PTPRN2: variants seen among roughly 807,000 people sequenced by gnomAD.
PTPRN2 encodes receptor-type tyrosine-protein phosphatase N2.
A neutral mutation model predicts 118.8 loss-of-function variants in PTPRN2; 74 were observed. That is an observed-to-expected ratio of 0.62 (90% CI 0.52 to 0.76). The LOEUF (loss-of-function observed/expected upper bound fraction) is 0.76, where lower values mean the gene tolerates loss of function less well. Among genes scored for constraint, PTPRN2 ranks in the 30% least tolerant of loss-of-function variants. The pLI is 0.00. For missense variants in PTPRN2, 1,481 were observed against 1,394.4 expected (o/e 1.06, Z -0.99); for synonymous variants, 641 against 608.0 (o/e 1.05, Z -0.80).
rs1161547592 is a variant in PTPRN2 at position 158,236,792 on chromosome 7, G to GC, written c.278-31520_278-31519insG. On this transcript the variant is annotated intron_variant, in intron 3 of 22. Transcript: ENST00000389418. ...CCTGTCCCTGCCCGACCACTCTGCT[G>GC]TGGGGAAAAGCAAGAGAGATCAGAT... 1.3e-3 allele frequency among the ~76,000 whole-genome samples: 16 copies of GC among 12,116 alleles called. 1 individual carries two copies. The highest frequency in any genetic ancestry group is 5.1e-3 in the East Asian group (2 of 390). The allele number at this position is 12,116 out of a possible 152,430, so 7.9% of individuals were successfully genotyped here.
chr7:158,359,459 C>T (rs1318799911), intron 2 of PTPRN2, among the ~76,000 whole-genome samples: 3 of 152,174 alleles, frequency 2.0e-5, no homozygotes, highest in African/African-American at 7.2e-5. Flanking sequence ...CGGGGGGACC[C>T]AGCTGGAGCC....
At chr7:158,071,305 AGGTGCCCATG>A (rs1811500662) in intron 11 of PTPRN2, among the ~76,000 whole-genome samples, 5 of 82,924 alleles carry the variant, frequency 6.0e-5, no homozygotes, top group Admixed American at 1.3e-4. Context: ...CTCGTGGTGG[AGGTGCCCATG>A]GTAGTGGAGG....
intron 9 of PTPRN2, among the ~76,000 whole-genome samples, chr7:158,130,737 A>C (rs1818138219): frequency 6.8e-6 from 1 of 146,190 alleles, no homozygotes; most frequent in African/African-American, 2.6e-5. Flanking sequence ...CATACGCACA[A>C]ACCAATACAC....
chr7:158,012,307 G>A (rs780266287), intron 11 of PTPRN2, among the ~76,000 whole-genome samples: 8 of 151,972 alleles, frequency 5.3e-5, no homozygotes, highest in African/African-American at 9.7e-5. Flanking sequence ...ATGACACGAC[G>A]CTGGCTTTAC....
At chr7:158,232,413 C>A (rs1829218408) in intron 3 of PTPRN2, among the ~76,000 whole-genome samples, 1 of 151,946 alleles carries the variant, frequency 6.6e-6, no homozygotes, top group Non-Finnish European at 1.5e-5. Flanking sequence ...TAGAAAACTT[C>A]AACAAACCAA....
intron 2 of PTPRN2, among the ~76,000 whole-genome samples, chr7:158,336,598 C>A (rs1267654625): frequency 4.0e-5 from 6 of 148,152 alleles, no homozygotes; most frequent in Non-Finnish European, 7.5e-5. Flanking sequence ...GTCATTCACA[C>A]CCACACTCTC....
At chr7:158,403,844 G>A (rs1216966238) in intron 2 of PTPRN2, among the ~76,000 whole-genome samples, 5 of 152,012 alleles carry the variant, frequency 3.3e-5, no homozygotes, top group Non-Finnish European at 7.3e-5. Flanking sequence ...CATGATGGCT[G>A]GAAAGGGGGA....
intron 2 of PTPRN2, among the ~76,000 whole-genome samples, chr7:158,411,663 G>A (rs553190631): frequency 9.2e-5 from 14 of 152,232 alleles, no homozygotes; most frequent in Non-Finnish European, 2.1e-4. Flanking sequence ...GGAAACCTGG[G>A]TACCAAGCAG....
chr7:157,754,299 CG>C (rs1778664718), intron 12 of PTPRN2, among the ~76,000 whole-genome samples: 1 of 152,226 alleles, frequency 6.6e-6, no homozygotes, highest in Admixed American at 6.5e-5. Flanking sequence ...CACTGAGCCA[CG>C]TTACCTGGTG....
intron 12 of PTPRN2, among the ~76,000 whole-genome samples, chr7:157,877,905 AG>A (rs1030788831): frequency 3.3e-5 from 5 of 152,218 alleles, no homozygotes; most frequent in African/African-American, 1.2e-4. Context: ...GAAATATGTC[AG>A]GGGTGAGATT....
chr7:157,608,068 C>A (rs949988523), intron 15 of PTPRN2, among the ~76,000 whole-genome samples: 4 of 152,112 alleles, frequency 2.6e-5, no homozygotes, highest in Non-Finnish European at 5.9e-5. Context: ...AAATTACCAG[C>A]GAAGTCTTTT....
intron 11 of PTPRN2, among the ~76,000 whole-genome samples, chr7:158,066,439 C>T (rs1021755018): frequency 1.3e-5 from 2 of 152,224 alleles, no homozygotes; most frequent in African/African-American, 2.4e-5. Flanking sequence ...AGAATGTGCT[C>T]TAAGCTGTGC....
chr7:158,404,811 C>T (rs1352162744), intron 2 of PTPRN2, among the ~76,000 whole-genome samples: 1 of 137,054 alleles, frequency 7.3e-6, no homozygotes, highest in African/African-American at 2.8e-5. Context: ...TGGCCCCCAG[C>T]TCCCCGGCCC....
intron 2 of PTPRN2, among the ~76,000 whole-genome samples, chr7:158,417,009 C>T (rs908437646): frequency 2.7e-5 from 4 of 150,618 alleles, no homozygotes; most frequent in African/African-American, 9.7e-5. Context: ...CACACTACAT[C>T]GAGATGCTCT....
intron 2 of PTPRN2, among the ~76,000 whole-genome samples, chr7:158,326,256 A>G (rs1005390234): frequency 2.0e-5 from 3 of 152,200 alleles, no homozygotes; most frequent in African/African-American, 4.8e-5. Flanking sequence ...CCAGGTGGCC[A>G]GTGAGCACCA....
intron 2 of PTPRN2, among the ~76,000 whole-genome samples, chr7:158,354,123 C>T (rs934334917): frequency 5.3e-5 from 8 of 152,182 alleles, no homozygotes; most frequent in African/African-American, 1.7e-4. Flanking sequence ...CATCAGTGAC[C>T]AGAGCTGAGT....
chr7:157,725,015 T>C (rs1481028532), intron 12 of PTPRN2, among the ~76,000 whole-genome samples: 2 of 152,350 alleles, frequency 1.3e-5, no homozygotes, highest in Middle Eastern at 6.8e-3. Flanking sequence ...TGATCTGAAA[T>C]AAAATTCTCG....
At chr7:157,957,977 C>CA (rs1485584411) in intron 11 of PTPRN2, among the ~76,000 whole-genome samples, 8 of 152,098 alleles carry the variant, frequency 5.3e-5, no homozygotes, top group Non-Finnish European at 1.0e-4. Context: ...AATACTGATG[C>CA]AAAAAATCTT....
At chr7:158,514,148 A>G (rs192344229) in intron 1 of PTPRN2, among the ~76,000 whole-genome samples, 10 of 152,278 alleles carry the variant, frequency 6.6e-5, no homozygotes, top group Admixed American at 5.9e-4. Flanking sequence ...ACATAGAAGG[A>G]TTATTCAGGG....
Sources: allele counts gnomAD v4.1 joint callset (sites outside exome capture counted in the v4.1 genomes callset), GRCh38; gene constraint gnomAD v4.1.1; transcripts MANE v1.5; gene names NCBI Gene and HGNC (gene_info 2026-07-23, HGNC 2026-07-21).